Variants in ESR1 observed in about 807,000 individuals in gnomAD.
The protein encoded by ESR1 is estrogen receptor.
Under a neutral mutation model 52.7 loss-of-function variants are expected in ESR1, and 12 were observed. The observed-to-expected ratio is 0.23, with a 90% confidence interval of 0.15 to 0.37. ESR1 has a LOEUF of 0.37. ESR1 is among the 10% of genes least tolerant of loss of function. ESR1 has a pLI of 1.00. For synonymous variants in ESR1, 305 were observed against 316.8 expected, an observed-to-expected ratio of 0.96 and a Z score of 0.39; for missense variants, 584 against 779.7, an observed-to-expected ratio of 0.75 and a Z score of 2.99.
chr6:151,984,854 A>C (rs931112358), intron 4 of ESR1, among the ~76,000 whole-genome samples: 2 of 152,030 alleles, frequency 1.3e-5, no homozygotes, highest in African/African-American at 4.8e-5. Context: ...AGTTCACCAT[A>C]GTTGGATATT....
intron 2 of ESR1, among the ~76,000 whole-genome samples, chr6:151,719,108 T>A (rs1402623906): frequency 2.0e-5 from 3 of 152,208 alleles, no homozygotes; most frequent in Non-Finnish European, 4.4e-5. Context: ...TCTTACTATG[T>A]CAAAGTAGTG....
intron 2 of ESR1, among the ~76,000 whole-genome samples, chr6:151,868,037 A>G (rs1293632324): frequency 6.6e-6 from 1 of 151,456 alleles, no homozygotes; most frequent in Non-Finnish European, 1.5e-5. Context: ...GAGGTCTGGC[A>G]TATGGATGAA....
chr6:151,828,713 T>G lies in ESR1; in HGVS notation c.453-13884T>G, dbSNP rs140342252. Among the ~76,000 whole-genome samples the G allele has an allele frequency of 1.3e-3, 198 of 152,322 alleles. No individual in the cohort carries two copies. The East Asian group carries it at 0.016, about 12-fold the overall frequency. On this transcript the variant is annotated intron_variant, in intron 1 of 7. Transcript: ENST00000206249. ...AACTCTAAACAAGTCATAGAATTGC[T>G]GCCTTGGTAGGGCATATCACACACA...
chr6:151,770,653 T>G (rs1339379124), intron 2 of ESR1, among the ~76,000 whole-genome samples: 1 of 152,046 alleles, frequency 6.6e-6, no homozygotes, highest in Non-Finnish European at 1.5e-5. Context: ...AAAGGAGAAT[T>G]AAGCCAAGAT....
At chr6:151,844,508 A>G (rs1784808154) in intron 2 of ESR1, among the ~76,000 whole-genome samples, 2 of 152,184 alleles carry the variant, frequency 1.3e-5, no homozygotes, top group Non-Finnish European at 2.9e-5. Flanking sequence ...GGGCCAGATA[A>G]TAATATTTTA....
At chr6:151,799,189 A>G (rs549266787) in intron 2 of ESR1, among the ~76,000 whole-genome samples, 8 of 152,220 alleles carry the variant, frequency 5.3e-5, no homozygotes, top group Non-Finnish European at 1.0e-4. Flanking sequence ...AGAAAGAAGG[A>G]GGCACTCCAA....
exon 7 of ESR1, chr6:152,128,341 A>C (rs967011606): frequency 1.3e-5 from 2 of 152,212 alleles, no homozygotes; most frequent in Non-Finnish European, 2.9e-5. Context: ...GCTCCCTGTA[A>C]CGATTTAGGG....
intron 3 of ESR1, among the ~76,000 whole-genome samples, chr6:151,882,260 T>C (rs183307783): frequency 8.0e-4 from 121 of 152,132 alleles, no homozygotes; most frequent in African/African-American, 2.6e-3. Context: ...GCCAGACAGG[T>C]TGAGGTTTGG....
chr6:151,842,232 C>G (rs1418661823), intron 1 of ESR1, among the ~76,000 whole-genome samples: 1 of 151,974 alleles, frequency 6.6e-6, no homozygotes, highest in Non-Finnish European at 1.5e-5. Flanking sequence ...TCCCAGAGAC[C>G]CTGAGTGTGG....
chr6:151,999,887 A>T (rs1220804630), intron 4 of ESR1, among the ~76,000 whole-genome samples: 2 of 152,076 alleles, frequency 1.3e-5, no homozygotes, highest in African/African-American at 4.8e-5. Flanking sequence ...TTAATCTGAG[A>T]AGTCATCTGT....
chr6:151,953,441 C>T (rs545308032), intron 4 of ESR1, among the ~76,000 whole-genome samples: 6 of 152,062 alleles, frequency 3.9e-5, no homozygotes, highest in African/African-American at 7.2e-5. Flanking sequence ...CAGTGAGGAC[C>T]GGCCAGTGCG....
At chr6:152,096,360 C>T (rs1403062466) in intron 7 of ESR1, among the ~76,000 whole-genome samples, 2 of 152,124 alleles carry the variant, frequency 1.3e-5, no homozygotes, top group African/African-American at 2.4e-5. Flanking sequence ...ATCCTTAGAC[C>T]GTGATTCAAA....
chr6:151,970,231 G>C (rs1884052), intron 4 of ESR1, among the ~76,000 whole-genome samples: 130,105 of 152,000 alleles, frequency 0.86, 56,001 homozygotes, highest in Middle Eastern at 0.93. Context: ...CAGTGATATA[G>C]AGTAGTAGAA....
chr6:151,711,222 G>C (rs1443769079), intron 2 of ESR1, among the ~76,000 whole-genome samples: 1 of 149,878 alleles, frequency 6.7e-6, no homozygotes, highest in Non-Finnish European at 1.5e-5. Flanking sequence ...GTTGTTTCCT[G>C]ACTTTTTTTT....
Position 151,959,016 on chromosome 6 carries a change from G to T in ESR1, c.1096+14508G>T, listed in dbSNP as rs149047798. Among the ~76,000 whole-genome samples, 161 of 151,844 alleles carry T rather than the reference G, an allele frequency of 1.1e-3. 1 individual carries two copies. The highest frequency in any genetic ancestry group is 3.9e-3 in the African/African-American group (159 of 41,276). ...TGTGCGTGTGTGTGTTTACGGAGAG[G>T]AGTTCTATGCATCTGCAGAGGGTGC... On this transcript the variant is annotated intron_variant, in intron 4 of 7. Transcript: ENST00000206249.
intron 2 of ESR1, among the ~76,000 whole-genome samples, chr6:151,716,506 C>T (rs950343788): frequency 6.6e-6 from 1 of 152,184 alleles, no homozygotes; most frequent in African/African-American, 2.4e-5. Context: ...GGGACTGCTG[C>T]CTTTCTTTCA....
At chr6:151,934,976 T>G (rs1433848080) in intron 3 of ESR1, among the ~76,000 whole-genome samples, 1 of 152,194 alleles carries the variant, frequency 6.6e-6, no homozygotes, top group Non-Finnish European at 1.5e-5. Context: ...TTCTACAGAT[T>G]GTGCCAGTCA....
intron 5 of ESR1, among the ~76,000 whole-genome samples, chr6:152,044,919 A>G (rs990387348): frequency 6.6e-5 from 10 of 152,234 alleles, no homozygotes; most frequent in Admixed American, 3.3e-4. Context: ...ATTGACACTC[A>G]GTATTAACCA....
intron 5 of ESR1, among the ~76,000 whole-genome samples, chr6:152,046,113 G>A (rs111394606): frequency 7.2e-5 from 11 of 152,136 alleles, no homozygotes; most frequent in East Asian, 3.9e-4. Context: ...AAAACAGGAC[G>A]TTGATTCTGT....
Sources: gnomAD v4.1 joint callset for allele counts (sites outside exome capture counted in the v4.1 genomes callset) on GRCh38, gnomAD v4.1.1 for gene constraint, MANE v1.5 for transcripts, NCBI Gene and HGNC (gene_info 2026-07-23, HGNC 2026-07-21) for gene names.